Variants in CNTNAP2 observed in about 807,000 individuals in gnomAD.
CNTNAP2 encodes contactin associated protein 2, also known as contactin-associated protein-like 2.
In CNTNAP2, 98 loss-of-function variants were observed where a neutral mutation model predicts 155.2. That is an observed-to-expected ratio of 0.63 (90% CI 0.54 to 0.75). The LOEUF is 0.75. Among genes scored for constraint, CNTNAP2 ranks in the 30% least tolerant of loss-of-function variants. The probability of loss-of-function intolerance (pLI) is 0.00; values close to 1 mark genes in which losing one functional copy is unlikely to be tolerated. For synonymous variants in CNTNAP2, 651 were observed against 631.2 expected, an observed-to-expected ratio of 1.03 and a Z score of -0.47; for missense variants, 1,727 against 1,688.1, an observed-to-expected ratio of 1.02 and a Z score of -0.40.
intron 20 of CNTNAP2, among the ~76,000 whole-genome samples, chr7:148,255,715 A>G (rs1471954719): frequency 6.6e-6 from 1 of 152,206 alleles, no homozygotes; most frequent in Non-Finnish European, 1.5e-5. Flanking sequence ...CAATAGCAGT[A>G]AGTACTTATT....
intron 9 of CNTNAP2, among the ~76,000 whole-genome samples, chr7:147,339,001 ATATT>A (rs1395034266): frequency 6.6e-6 from 1 of 152,192 alleles, no homozygotes. Flanking sequence ...TATTTTAAAT[ATATT>A]TATTCAAATG....
chr7:147,302,377 T>A (rs1278025435), intron 9 of CNTNAP2, among the ~76,000 whole-genome samples: 1 of 152,218 alleles, frequency 6.6e-6, no homozygotes, highest in Non-Finnish European at 1.5e-5. Context: ...GTTTATAGGA[T>A]ATGAGGTCTT....
At chr7:146,602,176 A>G (rs570957537) in intron 1 of CNTNAP2, among the ~76,000 whole-genome samples, 23 of 152,242 alleles carry the variant, frequency 1.5e-4, no homozygotes, top group Admixed American at 1.2e-3. Flanking sequence ...GATGTATGTT[A>G]ATTTGCACGG....
intron 3 of CNTNAP2, among the ~76,000 whole-genome samples, chr7:147,010,735 C>T (rs558120458): frequency 7.2e-5 from 11 of 152,140 alleles, no homozygotes; most frequent in East Asian, 3.9e-4. Flanking sequence ...AACTAGTCAG[C>T]GCAGAAGTAA....
intron 18 of CNTNAP2, chr7:148,190,190 A>G (rs1795182436): frequency 1.3e-5 from 2 of 152,250 alleles, no homozygotes; most frequent in South Asian, 4.1e-4. Flanking sequence ...GGACTGGGCC[A>G]TGCACATTGG....
intron 3 of CNTNAP2, among the ~76,000 whole-genome samples, chr7:147,002,348 C>T (rs75321897): frequency 0.013 from 2,024 of 152,092 alleles, 56 homozygotes; most frequent in African/African-American, 0.045. Flanking sequence ...ATATCACATA[C>T]AAAGGATCGA....
intron 12 of CNTNAP2, among the ~76,000 whole-genome samples, chr7:147,594,189 C>G (rs1209966235): frequency 6.7e-6 from 1 of 149,968 alleles, no homozygotes; most frequent in Non-Finnish European, 1.5e-5. Flanking sequence ...TACAGTGGCC[C>G]AGTCTCGGCT....
At chr7:146,336,615 G>C (rs1432452946) in intron 1 of CNTNAP2, among the ~76,000 whole-genome samples, 1 of 151,940 alleles carries the variant, frequency 6.6e-6, no homozygotes, top group African/African-American at 2.4e-5. Context: ...ATGTATGTAT[G>C]CACAACAATC....
chr7:147,719,680 G>A (rs960085438), intron 13 of CNTNAP2, among the ~76,000 whole-genome samples: 1 of 152,044 alleles, frequency 6.6e-6, no homozygotes, highest in Admixed American at 6.6e-5. Context: ...AGGGAACTAA[G>A]TCTAAGCTAT....
At chr7:147,773,889 C>T (rs1797515181) in intron 13 of CNTNAP2, among the ~76,000 whole-genome samples, 3 of 152,158 alleles carry the variant, frequency 2.0e-5, no homozygotes. Flanking sequence ...TTGATTCTCA[C>T]TACCTCTTAA....
chr7:146,536,294 T>G (rs143049680), intron 1 of CNTNAP2, among the ~76,000 whole-genome samples: 57 of 152,224 alleles, frequency 3.7e-4, no homozygotes, highest in African/African-American at 1.3e-3. Context: ...CCACTACTTA[T>G]ATACATAGAA....
intron 3 of CNTNAP2, among the ~76,000 whole-genome samples, chr7:147,040,764 A>G (rs1291495083): frequency 6.6e-6 from 1 of 152,006 alleles, no homozygotes; most frequent in African/African-American, 2.4e-5. Flanking sequence ...CCTGGGGAAG[A>G]GTAGAATATT....
intron 1 of CNTNAP2, among the ~76,000 whole-genome samples, chr7:146,181,262 G>A (rs914487436): frequency 6.6e-6 from 1 of 152,084 alleles, no homozygotes; most frequent in African/African-American, 2.4e-5. Flanking sequence ...AGAATAAGGA[G>A]GTTAGGATTT....
chr7:147,601,481 A>C (rs1800942473), intron 12 of CNTNAP2, among the ~76,000 whole-genome samples: 1 of 151,896 alleles, frequency 6.6e-6, no homozygotes, highest in African/African-American at 2.4e-5. Flanking sequence ...TCAGTTAAGG[A>C]ATGAACAGGC....
intron 21 of CNTNAP2, among the ~76,000 whole-genome samples, chr7:148,305,185 T>C (rs1797467540): frequency 8.2e-6 from 1 of 122,532 alleles, no homozygotes; most frequent in South Asian, 2.7e-4. Flanking sequence ...ATAGCAACAC[T>C]GCACTCCAGC....
intron 13 of CNTNAP2, among the ~76,000 whole-genome samples, chr7:147,680,916 A>C (rs143046424): frequency 0.011 from 1,672 of 152,026 alleles, 31 homozygotes; most frequent in African/African-American, 0.039. Flanking sequence ...AATAGAATAG[A>C]CATAAGGCTG....
At chr7:146,579,863 A>G (rs1174355124) in intron 1 of CNTNAP2, among the ~76,000 whole-genome samples, 1 of 152,078 alleles carries the variant, frequency 6.6e-6, no homozygotes, top group Non-Finnish European at 1.5e-5. Context: ...AGTGTACATA[A>G]TATTGCAGAG....
chr7:147,791,935 G>A (rs1248143213), intron 13 of CNTNAP2, among the ~76,000 whole-genome samples: 5 of 152,096 alleles, frequency 3.3e-5, no homozygotes, highest in African/African-American at 9.7e-5. Context: ...CTGCCATTCC[G>A]GGCATAGAGC....
chr7:146,754,888 C>A (rs1801968024), intron 1 of CNTNAP2, among the ~76,000 whole-genome samples: 2 of 151,872 alleles, frequency 1.3e-5, no homozygotes, highest in African/African-American at 4.8e-5. Context: ...CTAATCATCT[C>A]AAAGTAAAGG....
Sources: gnomAD v4.1 joint callset for allele counts (sites outside exome capture counted in the v4.1 genomes callset) on GRCh38, gnomAD v4.1.1 for gene constraint, MANE v1.5 for transcripts, NCBI Gene and HGNC (gene_info 2026-07-23, HGNC 2026-07-21) for gene names.